The following LRBA variants were observed in gnomAD, a reference collection of about 807,000 sequenced individuals.
LRBA encodes lipopolysaccharide-responsive and beige-like anchor protein.
LRBA carries 176 observed loss-of-function variants against 330.0 expected under a neutral mutation model. That is an observed-to-expected ratio of 0.53 (90% CI 0.47 to 0.60). LRBA has a LOEUF of 0.60. Among genes scored for constraint, LRBA ranks in the 20% least tolerant of loss-of-function variants. LRBA has a pLI of 0.00. For synonymous variants in LRBA, 1,230 were observed against 1,193.0 expected (o/e 1.03, Z -0.64); for missense variants, 3,259 against 3,444.8 (o/e 0.95, Z 1.35).
intron 2 of LRBA, among the ~76,000 whole-genome samples, chr4:150,976,615 G>A (rs1740206952): frequency 1.3e-5 from 2 of 152,086 alleles, no homozygotes; most frequent in South Asian, 2.1e-4. Context: ...AGCCTTCACC[G>A]ATCATCGCCG....
intron 35 of LRBA, among the ~76,000 whole-genome samples, chr4:150,748,712 G>T (rs1238840074): frequency 6.6e-6 from 1 of 151,756 alleles, no homozygotes; most frequent in Non-Finnish European, 1.5e-5. Context: ...TTGTTGATAT[G>T]GTTTGAATAT....
At chr4:150,568,515 T>G (rs924768197) in intron 40 of LRBA, among the ~76,000 whole-genome samples, 2 of 152,132 alleles carry the variant, frequency 1.3e-5, no homozygotes, top group African/African-American at 4.8e-5. Context: ...ACGTAAGTGG[T>G]GGTAATAAGG....
At chr4:150,334,332 G>C (rs923891968) in intron 48 of LRBA, among the ~76,000 whole-genome samples, 3 of 152,022 alleles carry the variant, frequency 2.0e-5, no homozygotes, top group Non-Finnish European at 4.4e-5. Flanking sequence ...AATGAAATTT[G>C]CAAAATAATC....
At chr4:150,731,087 T>A (rs1730390396) in intron 36 of LRBA, among the ~76,000 whole-genome samples, 1 of 152,126 alleles carries the variant, frequency 6.6e-6, no homozygotes, top group African/African-American at 2.4e-5. Context: ...AAAAGTACCA[T>A]GAGATATCAT....
At chr4:150,795,752 T>A (rs28627398) in intron 34 of LRBA, among the ~76,000 whole-genome samples, 13,826 of 152,004 alleles carry the variant, frequency 0.091, 1,103 homozygotes, top group African/African-American at 0.21. Context: ...AACAAATATA[T>A]AGTGATCTGT....
At chr4:150,789,303 T>G (rs1168253905) in intron 34 of LRBA, among the ~76,000 whole-genome samples, 1 of 152,076 alleles carries the variant, frequency 6.6e-6, no homozygotes, top group Non-Finnish European at 1.5e-5. Flanking sequence ...TAAATCAAAG[T>G]TCAAGCCTCA....
intron 49 of LRBA, among the ~76,000 whole-genome samples, chr4:150,324,829 G>A (rs551131002): frequency 2.0e-5 from 3 of 151,970 alleles, no homozygotes; most frequent in Admixed American, 6.5e-5. Context: ...TTTTTATGAG[G>A]GACAATTGAA....
rs764542544 is a variant in LRBA at position 150,436,755 on chromosome 4, G to T, written c.6890C>A (p.Ala2297Glu). 1.9e-6 allele frequency: 3 copies of T among 1,612,826 alleles called. No individual in the cohort carries two copies. Among genetic ancestry groups the T allele is most frequent in the South Asian group, 1.1e-5 (1 of 90,900 alleles). ...KFHYGTHYST[A>E]SFVLAWLLRI... Reference sequence around the variant, plus strand: ...TAGCAGCCATGCAAGAACAAAACTTGCAGTTGAGTAATGAGTACCATAGTG... The same window carrying T: ...TAGCAGCCATGCAAGAACAAAACTTTCAGTTGAGTAATGAGTACCATAGTG... The change falls in exon 45 of 57, where the codon GCA becomes GAA. Residue 2297 changes from alanine to glutamate, a missense_variant. Physicochemically the swap from Ala to Glu is moderately radical, Grantham distance 107 (BLOSUM62 -1). Transcript: ENST00000651943.
At chr4:150,345,785 G>T (rs1736210601) in intron 48 of LRBA, among the ~76,000 whole-genome samples, 1 of 152,098 alleles carries the variant, frequency 6.6e-6, no homozygotes. Flanking sequence ...GGTATGAAAA[G>T]GCTATAATAA....
chr4:150,498,302 AG>A (rs536805168), intron 40 of LRBA, among the ~76,000 whole-genome samples: 184 of 152,274 alleles, frequency 1.2e-3, no homozygotes, highest in Admixed American at 6.5e-3. Context: ...AATATTCCTC[AG>A]CTTAAAAATA....
At chr4:150,965,293 T>G (rs1738753395) in intron 2 of LRBA, among the ~76,000 whole-genome samples, 1 of 152,130 alleles carries the variant, frequency 6.6e-6, no homozygotes, top group Non-Finnish European at 1.5e-5. Context: ...ATATAGCTCT[T>G]TTAAAAATAC....
intron 55 of LRBA, among the ~76,000 whole-genome samples, chr4:150,280,245 G>A (rs1317532492): frequency 6.6e-6 from 1 of 152,146 alleles, no homozygotes; most frequent in African/African-American, 2.4e-5. Flanking sequence ...CATCCAGGTT[G>A]GGTTGTGACT....
intron 47 of LRBA, among the ~76,000 whole-genome samples, chr4:150,395,106 TTCAA>T (rs1744548004): frequency 6.6e-6 from 1 of 152,130 alleles, no homozygotes; most frequent in Non-Finnish European, 1.5e-5. Flanking sequence ...TTCTAATTAC[TTCAA>T]TCAATTATAT....
chr4:150,278,851 G>T (rs760036309), intron 55 of LRBA, among the ~76,000 whole-genome samples: 2 of 151,576 alleles, frequency 1.3e-5, no homozygotes, highest in Non-Finnish European at 2.9e-5. Flanking sequence ...TCGAGACAGG[G>T]TCTTGCTCTG....
At chr4:150,785,951 C>T (rs554560185) in intron 34 of LRBA, among the ~76,000 whole-genome samples, 1 of 152,144 alleles carries the variant, frequency 6.6e-6, no homozygotes, top group Non-Finnish European at 1.5e-5. Context: ...ATAGCTAGCA[C>T]ATAAAAACCA....
intron 37 of LRBA, among the ~76,000 whole-genome samples, chr4:150,627,342 A>C (rs1392931153): frequency 6.6e-6 from 1 of 152,060 alleles, no homozygotes; most frequent in Non-Finnish European, 1.5e-5. Context: ...GTACTTTGAC[A>C]AAAAAATTCT....
chr4:150,747,919 G>T (rs1732974477), intron 35 of LRBA, among the ~76,000 whole-genome samples: 1 of 152,016 alleles, frequency 6.6e-6, no homozygotes, highest in African/African-American at 2.4e-5. Context: ...GACTCACAGG[G>T]CCAACTGTCC....
At chr4:150,369,368 C>T (rs1016342928) in intron 47 of LRBA, among the ~76,000 whole-genome samples, 10 of 152,026 alleles carry the variant, frequency 6.6e-5, no homozygotes, top group Admixed American at 3.3e-4. Flanking sequence ...GTGGTGCTAA[C>T]CTGATATAAT....
intron 2 of LRBA, 129 bp from the exon 3 acceptor site, chr4:150,929,194 A>T: frequency 1.7e-6 from 1 of 590,040 alleles, no homozygotes; most frequent in Non-Finnish European, 2.9e-6. Context: ...TCATTAAAAA[A>T]CATGCAGCTC....
Sources: allele counts gnomAD v4.1 joint callset (sites outside exome capture counted in the v4.1 genomes callset), GRCh38; gene constraint gnomAD v4.1.1; transcripts MANE v1.5; gene names NCBI Gene and HGNC (gene_info 2026-07-23, HGNC 2026-07-21).